Variants in ZC3H7A observed in about 807,000 individuals in gnomAD.
The protein encoded by ZC3H7A is zinc finger CCCH domain-containing protein 7A.
Under a neutral mutation model 125.5 loss-of-function variants are expected in ZC3H7A, and 44 were observed. That is an observed-to-expected ratio of 0.35 (90% CI 0.28 to 0.45). The LOEUF (loss-of-function observed/expected upper bound fraction) is 0.45, where lower values mean the gene tolerates loss of function less well. Ranked by LOEUF, ZC3H7A falls within the 20% of genes least tolerant of loss-of-function variation. ZC3H7A has a pLI of 1.00. For missense variants in ZC3H7A, 977 were observed against 1,170.7 expected, an observed-to-expected ratio of 0.83 and a Z score of 2.41; for synonymous variants, 399 against 391.2, an observed-to-expected ratio of 1.02 and a Z score of -0.23.
intron 4 of ZC3H7A, among the ~76,000 whole-genome samples, chr16:11,778,046 G>C (rs1043793377): frequency 6.0e-5 from 9 of 149,644 alleles, no homozygotes; most frequent in African/African-American, 2.2e-4. Flanking sequence ...AGTTTTAAAA[G>C]GAAAAAAAGA....
Position 11,751,389 on chromosome 16 carries a change from T to C in ZC3H7A, c.2844A>G (p.Arg948=). 6.2e-7 allele frequency: 1 copy of C among 1,614,152 alleles called. No homozygotes were observed. Among genetic ancestry groups the C allele is most frequent in the Admixed American group, 1.7e-5 (1 of 60,016 alleles). The change falls in exon 23 of 23, where the codon CGA becomes CGG. Residue 948 remains arginine, a synonymous_variant. Coordinates refer to ENST00000355758, the MANE Select transcript of ZC3H7A (RefSeq NM_014153.4). ...CATTTGGGCCAATTAAGTGATCTTT[T>C]CGTGCTTTGTTGAGCTTCATCTTTA... is the stretch of plus-strand genomic sequence containing the variant. ...DALKMKLNKA[R]KDHLIGPNDN... is the part of the protein sequence containing the mutation.
chr16:11,752,607 C>T, intron 22 of ZC3H7A, 62 bp downstream of exon 22: 1 of 1,565,700 alleles, frequency 6.4e-7, no homozygotes, highest in Non-Finnish European at 8.7e-7. Context: ...TGTCAGCTGA[C>T]ATGTCCATGA....
intron 1 of ZC3H7A, among the ~76,000 whole-genome samples, chr16:11,793,994 T>G (rs2053393712): frequency 6.6e-6 from 1 of 152,182 alleles, no homozygotes; most frequent in East Asian, 1.9e-4. Flanking sequence ...AGCCTCCCTC[T>G]GCGAAGAGGC....
rs904885075 is a variant in ZC3H7A, at chr16:11,771,507, CT to C, written c.904-521del. ...AAAACAATTGAGGTGGGATGTCTAA[CT>C]TTTTTTTTTTGAGACGGAGTCTCAC... On this transcript the variant is annotated intron_variant, in intron 9 of 22. Coordinates refer to ENST00000355758, the MANE Select transcript of ZC3H7A (RefSeq NM_014153.4). Among the ~76,000 whole-genome samples the C allele has an allele frequency of 5.9e-3, 872 of 148,054 alleles. 7 individuals carry two copies. Among genetic ancestry groups the C allele is most frequent in the African/African-American group, 0.02 (816 of 40,656 alleles).
chr16:11,771,407 A>C (rs921968169), intron 9 of ZC3H7A, among the ~76,000 whole-genome samples: 3 of 150,794 alleles, frequency 2.0e-5, no homozygotes, highest in Non-Finnish European at 4.4e-5. Flanking sequence ...AAAAAAAAAA[A>C]CAAAGTTTAA....
intron 22 of ZC3H7A, among the ~76,000 whole-genome samples, chr16:11,751,759 T>TA (rs1430914787): frequency 6.6e-6 from 1 of 152,056 alleles, no homozygotes; most frequent in African/African-American, 2.4e-5. Context: ...CTGAATGTAG[T>TA]AGAAAGAAAT....
chr16:11,776,693 G>T, intron 5 of ZC3H7A, 58 bp downstream of exon 5: 6 of 1,540,816 alleles, frequency 3.9e-6, no homozygotes, highest in Non-Finnish European at 5.2e-6. Context: ...CTCTTTAAAT[G>T]CCATTTATTA....
At chr16:11,779,397 T>C in intron 3 of ZC3H7A, 34 bp from the exon 4 acceptor site, 2 of 1,584,208 alleles carry the variant, frequency 1.3e-6, no homozygotes, top group South Asian at 1.1e-5. Context: ...TGAAGCCTTT[T>C]ATCAAACAAG....
Position 11,761,746 on chromosome 16 carries a change from C to G in ZC3H7A, c.2213+164G>C, listed in dbSNP as rs117152776. 261 of 986,732 alleles carry G rather than the reference C, an allele frequency of 2.6e-4. 1 individual carries two copies. The East Asian group carries it at 6.8e-3, about 26-fold the overall frequency. The allele number at this position is 986,732 out of a possible 1,614,324, so 61.1% of individuals were successfully genotyped here. ...AAAAACACTACTTGTGAATTCTTAT[C>G]TACTAGGTCCTAAAAATCTCTTCCC... is the stretch of plus-strand genomic sequence containing the variant. On this transcript the variant is annotated intron_variant, in intron 18 of 22. Coordinates refer to ENST00000355758, the MANE Select transcript of ZC3H7A (RefSeq NM_014153.4).
At chr16:11,785,899 G>A (rs1386603643) in intron 1 of ZC3H7A, among the ~76,000 whole-genome samples, 7 of 152,142 alleles carry the variant, frequency 4.6e-5, no homozygotes, top group Non-Finnish European at 7.3e-5. Flanking sequence ...GATTACAGGC[G>A]TGAGCCACCG....
intron 19 of ZC3H7A, 158 bp from the exon 20 acceptor site, chr16:11,758,697 C>T (rs1463630348): frequency 5.0e-6 from 3 of 598,282 alleles, no homozygotes; most frequent in Non-Finnish European, 8.7e-6. Flanking sequence ...TAACTATATG[C>T]TCTAAATATA....
At position 11,758,312 on chromosome 16, in the gene ZC3H7A, G is replaced by A. The variant is rs187479617; in HGVS notation, c.2428+119C>T. ...TCGCCAACAGAGCTACTGATGAAAC[G>A]GGGCAACCGTTTAGAATGCAAACTG... On this transcript the variant is annotated intron_variant, in intron 20 of 22. Coordinates refer to ENST00000355758, the MANE Select transcript of ZC3H7A (RefSeq NM_014153.4). The A allele has an allele frequency of 2.9e-4, 216 of 747,914 alleles. 1 individual carries two copies. In the East Asian group the frequency reaches 4.5e-3, roughly 15 times the overall value. The allele number at this position is 747,914 out of a possible 1,614,324, so 46.3% of individuals were successfully genotyped here.
chr16:11,754,213 G>T (rs1419804787), intron 21 of ZC3H7A, among the ~76,000 whole-genome samples: 1 of 146,582 alleles, frequency 6.8e-6, no homozygotes, highest in Non-Finnish European at 1.5e-5. Context: ...GATCACCTGA[G>T]CCCAGGAGGT....
At chr16:11,755,547 G>C (rs187796471) in intron 21 of ZC3H7A, among the ~76,000 whole-genome samples, 2 of 152,044 alleles carry the variant, frequency 1.3e-5, no homozygotes, top group Non-Finnish European at 2.9e-5. Context: ...AAGGTCCAGC[G>C]GGGTAGACAG....
At chr16:11,764,755 T>C (rs1360954934) in intron 15 of ZC3H7A, among the ~76,000 whole-genome samples, 1 of 151,910 alleles carries the variant, frequency 6.6e-6, no homozygotes, top group Non-Finnish European at 1.5e-5. Flanking sequence ...AATCACTACA[T>C]GCAATTGTTG....
chr16:11,779,365 TA>T lies in ZC3H7A; in HGVS notation c.109-3del, dbSNP rs780480393. On this transcript the variant is annotated splice_region_variant and splice_polypyrimidine_tract_variant and intron_variant, in intron 3 of 22. Transcript: ENST00000355758. Reference sequence around the variant, plus strand: ...TCTCACGAGAGCACGCAAATATACCTAAAAAAAAGAAAGTTACCACTTGAAG... The same window carrying T: ...TCTCACGAGAGCACGCAAATATACCTAAAAAAAGAAAGTTACCACTTGAAG... 5.0e-6 allele frequency: 8 copies of T among 1,602,418 alleles called. No individual in the cohort carries two copies. Among genetic ancestry groups the T allele is most frequent in the South Asian group, 2.3e-5 (2 of 88,050 alleles).
chr16:11,792,101 T>A (rs1003832604), intron 1 of ZC3H7A, among the ~76,000 whole-genome samples: 1 of 151,992 alleles, frequency 6.6e-6, no homozygotes, highest in Non-Finnish European at 1.5e-5. Context: ...AGAGACAGAG[T>A]CCCACTATAT....
In ZC3H7A at chr16:11,773,601, G is replaced by C. The variant is rs544130301; in HGVS notation, c.903+635C>G. ...TATCTTTAAGAATAAGAAGTCCTGA[G>C]GCCGGGCATGGTAGCTCACGCTTGT... On this transcript the variant is annotated intron_variant, in intron 9 of 22. Transcript: ENST00000355758. Among the ~76,000 whole-genome samples, 21 of 151,984 alleles carry C rather than the reference G, an allele frequency of 1.4e-4. No homozygotes were observed. The South Asian group carries it at 3.9e-3, about 28-fold the overall frequency.
chr16:11,772,733 G>A (rs1212530441), intron 9 of ZC3H7A, among the ~76,000 whole-genome samples: 9 of 149,330 alleles, frequency 6.0e-5, no homozygotes, highest in Non-Finnish European at 1.3e-4. Flanking sequence ...GTATTGATCT[G>A]TCACCCAGGG....
Sources: gnomAD v4.1 joint callset for allele counts (sites outside exome capture counted in the v4.1 genomes callset) on GRCh38, gnomAD v4.1.1 for gene constraint, MANE v1.5 for transcripts, NCBI Gene and HGNC (gene_info 2026-07-23, HGNC 2026-07-21) for gene names.